Variants in FAM184A observed in about 807,000 individuals in gnomAD.
The protein encoded by FAM184A is family with sequence similarity 184 member A.
A neutral mutation model predicts 143.8 loss-of-function variants in FAM184A; 99 were observed. The ratio of observed to expected loss-of-function variants is 0.69; its 90% CI spans 0.58 to 0.81. FAM184A has a LOEUF of 0.81. Among genes scored for constraint, FAM184A ranks in the 40% least tolerant of loss-of-function variants. The pLI, the probability that FAM184A is intolerant of heterozygous loss-of-function variation, is 0.00. For missense variants in FAM184A, 1,217 were observed against 1,310.5 expected, an observed-to-expected ratio of 0.93 and a Z score of 1.10; for synonymous variants, 427 against 446.4, an observed-to-expected ratio of 0.96 and a Z score of 0.55.
At chr6:119,079,923 ATGT>A (rs1275861138), upstream of FAM184A, among the ~76,000 whole-genome samples, 1 of 152,198 alleles carries the variant, frequency 6.6e-6, no homozygotes, top group African/African-American at 2.4e-5. Flanking sequence ...TCCAGGAAAA[ATGT>A]TGTCTAGTTC....
chr6:119,035,080 C>T (rs17236759), intron 1 of FAM184A, among the ~76,000 whole-genome samples: 2,540 of 151,962 alleles, frequency 0.017, 27 homozygotes, highest in South Asian at 0.028. Context: ...TTCACAACTA[C>T]GGAAGGATTT....
chr6:119,126,814 G>T (rs1789379816), intron 1 of FAM184A, among the ~76,000 whole-genome samples: 1 of 152,158 alleles, frequency 6.6e-6, no homozygotes, highest in Non-Finnish European at 1.5e-5. Flanking sequence ...AAATGTGGGG[G>T]ATTTTATTGC....
rs536513161 is a variant in FAM184A at position 119,023,252 on chromosome 6, A to C, written c.1015-172T>G. Among the ~76,000 whole-genome samples the C allele has an allele frequency of 4.6e-5, 7 of 152,350 alleles. No individual in the cohort carries two copies. In the South Asian group the frequency reaches 1.2e-3, roughly 27 times the overall value. On this transcript the variant is annotated intron_variant, in intron 2 of 17. Transcript: ENST00000338891. ...ATAACTTGATGTTTTCATAAACATGACCCAATCAGGAAAGGCTATTCCACA... is the reference window on the plus strand; with the variant it reads ...ATAACTTGATGTTTTCATAAACATGCCCCAATCAGGAAAGGCTATTCCACA...
Position 118,975,929 on chromosome 6 carries a change from G to A in FAM184A, c.2571C>T (p.Ile857=). 6.2e-7 allele frequency: 1 copy of A among 1,612,634 alleles called. No homozygotes were observed. Among genetic ancestry groups the A allele is most frequent in the Non-Finnish European group, 8.5e-7 (1 of 1,179,770 alleles). The part of the protein sequence containing the change: ...AKMELERSID[I]SRRQSKEHIC... ...TACTCTTACTTACCTGTCTTCTGCTGATGTCTATGCTTCTCTCTAATTCCA... is the reference window on the plus strand; with the variant it reads ...TACTCTTACTTACCTGTCTTCTGCTAATGTCTATGCTTCTCTCTAATTCCA... Residue 857 remains isoleucine, a synonymous_variant, in exon 12 of 18, where the codon ATC becomes ATT. Coordinates refer to ENST00000338891, the MANE Select transcript of FAM184A (RefSeq NM_024581.6).
chr6:119,113,618 TGAGAGAGAGAGAGAGAAA>T (rs1788987789), intron 1 of FAM184A, among the ~76,000 whole-genome samples: 1 of 150,428 alleles, frequency 6.6e-6, no homozygotes, highest in South Asian at 2.1e-4. Context: ...AATAAGATAT[TGAGAGAGAGAGAGAGAAA>T]GAGAGAGAGA....
intron 1 of FAM184A, among the ~76,000 whole-genome samples, chr6:119,137,387 A>G (rs1324324736): frequency 1.3e-5 from 2 of 152,154 alleles, no homozygotes; most frequent in Non-Finnish European, 2.9e-5. Context: ...AACCAGTCCT[A>G]TCAGATTAGG....
In FAM184A at chr6:119,019,966, A is replaced by G. The variant is rs375822120; in HGVS notation, c.1332+12T>C. ...CTCTTTCGGGGGGAATGGAGTGTCC[A>G]TTACTTTTTACCTTCTCCAGTTCTA... On this transcript the variant is annotated intron_variant, in intron 4 of 17. Coordinates refer to ENST00000338891, the MANE Select transcript of FAM184A (RefSeq NM_024581.6). The G allele has an allele frequency of 4.3e-4, 667 of 1,537,550 alleles. 8 individuals carry two copies. In the South Asian group the frequency reaches 6.2e-3, roughly 14 times the overall value.
At chr6:119,142,035 C>T (rs1278477165) in intron 1 of FAM184A, among the ~76,000 whole-genome samples, 2 of 152,172 alleles carry the variant, frequency 1.3e-5, no homozygotes, top group Non-Finnish European at 2.9e-5. Flanking sequence ...ATGGTTATTC[C>T]TCTAGAGTGC....
chr6:119,103,098 C>T (rs1380721853), intron 1 of FAM184A, among the ~76,000 whole-genome samples: 1 of 152,150 alleles, frequency 6.6e-6, no homozygotes, highest in African/African-American at 2.4e-5. Flanking sequence ...GGTTTATGAT[C>T]ATGTGGTTCA....
rs763081894 is a variant in FAM184A, at chr6:118,980,253, A to G, written c.2186T>C (p.Leu729Pro). 83 of 1,613,958 alleles carry G rather than the reference A, an allele frequency of 5.1e-5. No homozygotes were observed. The highest frequency in any genetic ancestry group is 8.9e-5 in the East Asian group (4 of 44,892). The change falls in exon 10 of 18, where the codon CTT (leucine) becomes CCT (proline). Residue 729 changes from leucine (L) to proline (P), a missense_variant. Coordinates refer to ENST00000338891, the MANE Select transcript of FAM184A (RefSeq NM_024581.6). ...QAQFTQERQR[L>P]TQELEELEEQ... Reference sequence around the variant, plus strand: ...CTCTAATTCTTCAAGCTCTTGCGTAAGCCGCTGTCGTTCTTGCGTAAACTG... The same window carrying G: ...CTCTAATTCTTCAAGCTCTTGCGTAGGCCGCTGTCGTTCTTGCGTAAACTG...
At chr6:119,073,442 G>A (rs955337132) in intron 1 of FAM184A, among the ~76,000 whole-genome samples, 5 of 152,196 alleles carry the variant, frequency 3.3e-5, no homozygotes, top group African/African-American at 1.2e-4. Flanking sequence ...GAGAACCAGA[G>A]ACGATAGAAA....
At chr6:119,066,638 T>A (rs1787461141) in intron 1 of FAM184A, among the ~76,000 whole-genome samples, 1 of 152,186 alleles carries the variant, frequency 6.6e-6, no homozygotes, top group African/African-American at 2.4e-5. Flanking sequence ...TGGTCCTAAA[T>A]AGAGCAATAT....
At position 119,024,398 on chromosome 6, in the gene FAM184A, G is replaced by C; in HGVS notation, c.575C>G (p.Ala192Gly). The change falls in exon 2 of 18, where the codon GCT (alanine) becomes GGT (glycine). Residue 192 changes from alanine (A) to glycine (G), a missense_variant. Transcript: ENST00000338891. ...DKRLALEDLQ[A>G]AHRREIQELL... ...CTCTTGTATCTCCCGTCTGTGAGCA[G>C]CTTGCAAGTCTTCCAATGCCAATCG... 1 of 1,614,164 alleles carries C rather than the reference G, an allele frequency of 6.2e-7. No individual in the cohort carries two copies. The highest frequency in any genetic ancestry group is 8.5e-7 in the Non-Finnish European group (1 of 1,180,032).
At chr6:119,116,214 A>G (rs1206726358) in intron 1 of FAM184A, among the ~76,000 whole-genome samples, 1 of 151,958 alleles carries the variant, frequency 6.6e-6, no homozygotes, top group South Asian at 2.1e-4. Context: ...GGGCTTGAAA[A>G]CTTCCAGTAG....
intron 9 of FAM184A, among the ~76,000 whole-genome samples, chr6:118,988,996 C>G (rs1784277019): frequency 7.5e-6 from 1 of 133,966 alleles, no homozygotes; most frequent in African/African-American, 2.8e-5. Context: ...CTCACTCACT[C>G]TGTTACCCAG....
intron 4 of FAM184A, among the ~76,000 whole-genome samples, 172 bp downstream of exon 4, chr6:119,019,806 T>C (rs770589510): frequency 1.3e-5 from 2 of 152,240 alleles, no homozygotes; most frequent in Non-Finnish European, 2.9e-5. Flanking sequence ...ACATACAGCA[T>C]AGGATAGTCT....
At position 119,003,011 on chromosome 6, in the gene FAM184A, TG is replaced by T; in HGVS notation, c.1975del (p.Gln659AsnfsTer16). On this transcript the variant is annotated frameshift_variant, in exon 9 of 18. Transcript: ENST00000338891. LOFTEE classifies it high-confidence loss of function. ...TGCTGACTTCTTATCCTCTTCATGT[TG>T]AAGCCTTAACTCTTCACGAAGTTTA... ...CSKLREELRLQHEEDKKSAMS... is the reference protein window; with the variant it reads ...CSKLREELRLXHEEDKKSAMS... 1 of 1,612,426 alleles carries T rather than the reference TG, an allele frequency of 6.2e-7. No homozygotes were observed. The highest frequency in any genetic ancestry group is 8.5e-7 in the Non-Finnish European group (1 of 1,179,428).
chr6:119,009,772 A>T lies in FAM184A; in HGVS notation c.1653+1537T>A, dbSNP rs924250732. Among the ~76,000 whole-genome samples, 12 of 152,288 alleles carry T rather than the reference A, an allele frequency of 7.9e-5. No individual in the cohort carries two copies. The South Asian group carries it at 1.9e-3, about 24-fold the overall frequency. On this transcript the variant is annotated intron_variant, in intron 6 of 17. Transcript: ENST00000338891. ...TACTTGTTTTTGTGTCTGTCTGTCC[A>T]TAGTAGTAGGGACCATGTCTGACTG...
intron 1 of FAM184A, among the ~76,000 whole-genome samples, chr6:119,040,165 C>T (rs908902476): frequency 6.7e-6 from 1 of 148,728 alleles, no homozygotes; most frequent in Non-Finnish European, 1.5e-5. Flanking sequence ...GAACTTGCCT[C>T]AGTCTGTTTT....
Sources: allele counts gnomAD v4.1 joint callset (sites outside exome capture counted in the v4.1 genomes callset), GRCh38; gene constraint gnomAD v4.1.1; transcripts MANE v1.5; gene names NCBI Gene and HGNC (gene_info 2026-07-23, HGNC 2026-07-21).